The following KDELR2 variants were observed in gnomAD, a reference collection of about 807,000 sequenced individuals.
KDELR2 encodes the protein ER lumen protein-retaining receptor 2.
Under a neutral mutation model 23.9 loss-of-function variants are expected in KDELR2, and 15 were observed. That is an observed-to-expected ratio of 0.63 (90% CI 0.42 to 0.97). KDELR2 has a LOEUF of 0.97. KDELR2 is among the 50% of genes least tolerant of loss of function. KDELR2 has a pLI of 0.00. For missense variants in KDELR2, 272 were observed against 254.6 expected, an observed-to-expected ratio of 1.07 and a Z score of -0.46; for synonymous variants, 119 against 106.2, an observed-to-expected ratio of 1.12 and a Z score of -0.74.
chr7:6,482,607 A>G (rs1240538150), intron 1 of KDELR2: 1 of 470,184 alleles, frequency 2.1e-6, no homozygotes, highest in Non-Finnish European at 4.4e-6. Context: ...CAGCAGATTC[A>G]GAGATGTAAG....
rs1216736821 is a variant in KDELR2 at position 6,462,811 on chromosome 7, A to C, written c.*330T>G. 6.7e-6 allele frequency: 4 copies of C among 594,386 alleles called. No homozygotes were observed. The highest frequency in any genetic ancestry group is 1.1e-5 in the Non-Finnish European group (4 of 360,106). The allele number at this position is 594,386 out of a possible 1,614,324, so 36.8% of individuals were successfully genotyped here. ...TTAAGAGTTTCAAAGAATTTTTTAA[A>C]ATAAAAAAAAAATTTGCACTTATTC... On this transcript the variant is annotated 3_prime_UTR_variant, in exon 5 of 5. Coordinates refer to ENST00000258739, the MANE Select transcript of KDELR2 (RefSeq NM_006854.4).
At chr7:6,479,522 G>C (rs1439542035) in intron 1 of KDELR2, among the ~76,000 whole-genome samples, 6 of 152,104 alleles carry the variant, frequency 3.9e-5, no homozygotes, top group Admixed American at 1.3e-4. Context: ...CTGTCACCCA[G>C]GTTGGAGTGC....
At chr7:6,463,200 A>G (rs1171538769) in intron 4 of KDELR2, 25 bp from the exon 5 acceptor site, 3 of 1,592,556 alleles carry the variant, frequency 1.9e-6, no homozygotes, top group East Asian at 2.2e-5. Context: ...AGAAGAAAAG[A>G]AAACAAAAGG....
At position 6,474,238 on chromosome 7, in the gene KDELR2, A is replaced by G; in HGVS notation, c.138T>C (p.Thr46=). 6.2e-7 allele frequency: 1 copy of G among 1,614,024 alleles called. No individual in the cohort carries two copies. The highest frequency in any genetic ancestry group is 1.1e-5 in the South Asian group (1 of 91,084). ...ATGAAGTAAAAAGATCCAGGTAACG[A>G]GTTGTGAAGACCAGTGCAAACAGAA... ...SQLLFALVFT[T]RYLDLFTSFI... Residue 46 remains threonine, a synonymous_variant, in exon 2 of 5, where the codon ACT becomes ACC. Coordinates refer to ENST00000258739, the MANE Select transcript of KDELR2 (RefSeq NM_006854.4).
chr7:6,484,112 T>G lies in KDELR2; in HGVS notation c.-55A>C, dbSNP rs1319474331. 6 of 1,251,462 alleles carry G rather than the reference T, an allele frequency of 4.8e-6. No homozygotes were observed. In the East Asian group the frequency reaches 1.7e-4, roughly 36 times the overall value. The allele number at this position is 1,251,462 out of a possible 1,614,324, so 77.5% of individuals were successfully genotyped here. ...CGCGGCGGCCCCGGGGCTGGGCGGC[T>G]CAGGAGGCGGCGGCCCCTGAGAGGA... On this transcript the variant is annotated 5_prime_UTR_variant, in exon 1 of 5. Transcript: ENST00000258739.
chr7:6,463,954 G>T (rs1270500839), intron 4 of KDELR2, among the ~76,000 whole-genome samples: 7 of 121,626 alleles, frequency 5.8e-5, no homozygotes, highest in Non-Finnish European at 1.4e-4. Flanking sequence ...CCCAGCACTT[G>T]GGGAGGCTGA....
chr7:6,479,232 G>A (rs1045054484), intron 1 of KDELR2, among the ~76,000 whole-genome samples: 4 of 151,854 alleles, frequency 2.6e-5, no homozygotes, highest in East Asian at 1.9e-4. Flanking sequence ...ATCACGGCTC[G>A]CTGCAACCTC....
At chr7:6,469,167 T>TGG (rs1424917382) in intron 3 of KDELR2, among the ~76,000 whole-genome samples, 23 of 151,714 alleles carry the variant, frequency 1.5e-4, no homozygotes, top group Non-Finnish European at 2.5e-4. Context: ...TTAGCCAGTA[T>TGG]AGTCTCGATC....
Position 6,466,282 on chromosome 7 carries a change from G to C in KDELR2, c.393C>G (p.Ile131Met). ...TGCTGATCATAAATAGCTGCGGAAG[G>C]ATAGCCACGGACTCCAGGTAGATGG... Reference protein sequence around the residue: ...TFSIYLESVAILPQLFMISKT... With the variant: ...TFSIYLESVAMLPQLFMISKT... The change falls in exon 4 of 5, where the codon ATC becomes ATG. Residue 131 changes from isoleucine (I) to methionine (M), a missense_variant. Ile to Met is a conservative substitution (Grantham distance 10). Coordinates refer to ENST00000258739, the MANE Select transcript of KDELR2 (RefSeq NM_006854.4). 1 of 1,614,086 alleles carries C rather than the reference G, an allele frequency of 6.2e-7. No individual in the cohort carries two copies. Among genetic ancestry groups the C allele is most frequent in the Non-Finnish European group, 8.5e-7 (1 of 1,179,998 alleles).
chr7:6,478,368 A>C (rs1785800573), intron 1 of KDELR2, among the ~76,000 whole-genome samples: 1 of 151,864 alleles, frequency 6.6e-6, no homozygotes, highest in Admixed American at 6.6e-5. Flanking sequence ...GGCTGGTCTC[A>C]AGCTCCTGGC....
Position 6,484,132 on chromosome 7 carries a change from A to G in KDELR2, c.-75T>C. On this transcript the variant is annotated 5_prime_UTR_variant, in exon 1 of 5. Transcript: ENST00000258739. Reference sequence around the variant, plus strand: ...GCGGCTCAGGAGGCGGCGGCCCCTGAGAGGAAGCGGCGAAGATGGCGAGAT... The same window carrying G: ...GCGGCTCAGGAGGCGGCGGCCCCTGGGAGGAAGCGGCGAAGATGGCGAGAT... 1 of 1,161,892 alleles carries G rather than the reference A, an allele frequency of 8.6e-7. No homozygotes were observed. Among genetic ancestry groups the G allele is most frequent in the South Asian group, 3.3e-5 (1 of 30,434 alleles). The allele number at this position is 1,161,892 out of a possible 1,614,324, so 72.0% of individuals were successfully genotyped here. A position where few individuals can be genotyped will look rare whatever the true frequency, so the allele number is the denominator to read the frequency against.
intron 2 of KDELR2, among the ~76,000 whole-genome samples, chr7:6,470,780 G>A (rs889433448): frequency 2.6e-5 from 4 of 152,046 alleles, no homozygotes; most frequent in Non-Finnish European, 5.9e-5. Flanking sequence ...CCAAAAACTG[G>A]ATAAATAATT....
At chr7:6,469,146 G>T (rs1227580694) in intron 3 of KDELR2, among the ~76,000 whole-genome samples, 3 of 150,848 alleles carry the variant, frequency 2.0e-5, no homozygotes, top group African/African-American at 7.3e-5. Flanking sequence ...TACAGACGGG[G>T]TTTCACCATG....
chr7:6,479,453 C>A (rs117807974), intron 1 of KDELR2, among the ~76,000 whole-genome samples: 3,503 of 152,196 alleles, frequency 0.023, 62 homozygotes, highest in Middle Eastern at 0.054. Flanking sequence ...CTAAGACCGG[C>A]CAAGAACAAA....
At chr7:6,477,230 T>C (rs1785772371) in intron 1 of KDELR2, among the ~76,000 whole-genome samples, 1 of 148,636 alleles carries the variant, frequency 6.7e-6, no homozygotes, top group Non-Finnish European at 1.5e-5. Flanking sequence ...CAGGACAGCC[T>C]TGCTGGAAAT....
chr7:6,462,764 A>G lies in KDELR2; in HGVS notation c.*377T>C, dbSNP rs574129958. The G allele has an allele frequency of 6.1e-6, 3 of 489,132 alleles. No individual in the cohort carries two copies. Among genetic ancestry groups the G allele is most frequent in the Admixed American group, 7.6e-5 (2 of 26,176 alleles). 30.3% of individuals were successfully genotyped at this position (489,132 alleles called of 1,614,324 possible). A position where few individuals can be genotyped will look rare whatever the true frequency, so the allele number is the denominator to read the frequency against. ...AATCTATCAACTGTCAAGGAGTACA[A>G]TTTCATTGCAGACACAAAGACTTAA... On this transcript the variant is annotated 3_prime_UTR_variant, in exon 5 of 5. Transcript: ENST00000258739.
At chr7:6,464,455 G>A (rs1322307678) in intron 4 of KDELR2, among the ~76,000 whole-genome samples, 1 of 152,056 alleles carries the variant, frequency 6.6e-6, no homozygotes, top group Non-Finnish European at 1.5e-5. Context: ...CAAGGTGGAG[G>A]TTGCAGTGAG....
intron 1 of KDELR2, among the ~76,000 whole-genome samples, chr7:6,482,832 CAAA>C (rs10525658): frequency 5.7e-5 from 7 of 122,872 alleles, no homozygotes; most frequent in Non-Finnish European, 5.4e-5. Context: ...CAAAAAATAG[CAAA>C]AAAAAAAAAA....
intron 3 of KDELR2, among the ~76,000 whole-genome samples, chr7:6,469,324 C>T (rs369200056): frequency 7.2e-5 from 11 of 152,158 alleles, no homozygotes; most frequent in South Asian, 2.1e-4. Context: ...GGCGTGATCT[C>T]GGCTCACTGC....
Sources: allele counts gnomAD v4.1 joint callset (sites outside exome capture counted in the v4.1 genomes callset), GRCh38; gene constraint gnomAD v4.1.1; transcripts MANE v1.5; gene names NCBI Gene and HGNC (gene_info 2026-07-23, HGNC 2026-07-21).